KLB: variants seen among roughly 807,000 people sequenced by gnomAD.
KLB encodes klotho beta, also known as beta-klotho.
In KLB, 44 loss-of-function variants were observed where a neutral mutation model predicts 88.4. The ratio of observed to expected loss-of-function variants is 0.50; its 90% CI spans 0.39 to 0.64. KLB has a LOEUF of 0.64. Ranked by LOEUF, KLB falls within the 30% of genes least tolerant of loss-of-function variation. The pLI is 0.00. For missense variants in KLB, 1,137 were observed against 1,304.8 expected, an observed-to-expected ratio of 0.87 and a Z score of 1.98; for synonymous variants, 548 against 513.4, an observed-to-expected ratio of 1.07 and a Z score of -0.91.
intron 1 of KLB, among the ~76,000 whole-genome samples, chr4:39,411,028 A>G (rs184029920): frequency 8.1e-4 from 123 of 152,274 alleles, no homozygotes; most frequent in African/African-American, 2.8e-3. Flanking sequence ...CTACTAATGG[A>G]TGAACCAACT....
At chr4:39,440,112 G>C (rs1027822720) in intron 3 of KLB, among the ~76,000 whole-genome samples, 1 of 147,100 alleles carries the variant, frequency 6.8e-6, no homozygotes, top group African/African-American at 2.5e-5. Context: ...TTTTTGTTTT[G>C]TTTTCTTTTC....
intron 1 of KLB, among the ~76,000 whole-genome samples, chr4:39,418,367 G>A (rs1743008620): frequency 1.3e-5 from 2 of 151,966 alleles, no homozygotes; most frequent in Admixed American, 1.3e-4. Flanking sequence ...AGCCTCCCAA[G>A]TAGCTAAGAC....
chr4:39,438,768 G>C (rs1004394194), intron 3 of KLB, among the ~76,000 whole-genome samples: 4 of 152,072 alleles, frequency 2.6e-5, no homozygotes, highest in Non-Finnish European at 2.9e-5. Flanking sequence ...TCACCTTTTA[G>C]TTGTTATTAT....
At chr4:39,423,444 G>A (rs999907911) in intron 1 of KLB, among the ~76,000 whole-genome samples, 10 of 151,968 alleles carry the variant, frequency 6.6e-5, no homozygotes, top group African/African-American at 2.2e-4. Context: ...ACAGCAGAGA[G>A]AAAATGTAAT....
At chr4:39,427,342 G>T (rs986732958) in intron 1 of KLB, among the ~76,000 whole-genome samples, 1 of 152,010 alleles carries the variant, frequency 6.6e-6, no homozygotes, top group Non-Finnish European at 1.5e-5. Flanking sequence ...AATTAGCTGG[G>T]CGTGGTGGCA....
chr4:39,439,003 C>CT (rs1343702750), intron 3 of KLB, among the ~76,000 whole-genome samples: 9,249 of 139,930 alleles, frequency 0.066, 380 homozygotes, highest in African/African-American at 0.1. Flanking sequence ...TCTACTTCAT[C>CT]TTTTTTTTTT....
chr4:39,432,832 A>G (rs895885429), intron 1 of KLB, among the ~76,000 whole-genome samples: 3 of 151,990 alleles, frequency 2.0e-5, no homozygotes, highest in Non-Finnish European at 2.9e-5. Context: ...TCTGTGCTAC[A>G]TATTTCATGC....
intron 4 of KLB, 68 bp downstream of exon 4, chr4:39,447,543 G>T: frequency 7.5e-7 from 1 of 1,325,170 alleles, no homozygotes; most frequent in Non-Finnish European, 1.0e-6. Context: ...AACAAAGAAT[G>T]GGAGCAGCAG....
In KLB at chr4:39,448,840, C is replaced by T. The variant is rs1250117927; in HGVS notation, c.*154C>T. 5.6e-6 allele frequency: 4 copies of T among 716,610 alleles called. No individual in the cohort carries two copies. The highest frequency in any genetic ancestry group is 9.1e-6 in the Non-Finnish European group (4 of 441,806). The allele number at this position is 716,610 out of a possible 1,614,324, so 44.4% of individuals were successfully genotyped here. ...TGTCTCTGCTGTGTGGTTCAAAGAACATTCCCTTAGGTGTTGACATCAGTG... is the reference window on the plus strand; with the variant it reads ...TGTCTCTGCTGTGTGGTTCAAAGAATATTCCCTTAGGTGTTGACATCAGTG... On this transcript the variant is annotated 3_prime_UTR_variant, in exon 5 of 5. Transcript: ENST00000257408.
intron 1 of KLB, among the ~76,000 whole-genome samples, chr4:39,422,372 C>A (rs1199252368): frequency 6.6e-6 from 1 of 152,158 alleles, no homozygotes; most frequent in Non-Finnish European, 1.5e-5. Flanking sequence ...GAGGTCCACA[C>A]TCTACCTCTA....
chr4:39,427,976 G>A (rs180935713), intron 1 of KLB, among the ~76,000 whole-genome samples: 30 of 152,252 alleles, frequency 2.0e-4, no homozygotes, highest in Admixed American at 4.6e-4. Context: ...GTTATTTCCC[G>A]TATAGTACCA....
chr4:39,434,817 T>C (rs1413081227), intron 2 of KLB, 97 bp downstream of exon 2: 10 of 1,003,908 alleles, frequency 1.0e-5, no homozygotes, highest in Non-Finnish European at 1.3e-5. Flanking sequence ...TTGGGCTTTT[T>C]TTTTTTTGAA....
At chr4:39,427,900 G>T (rs1348714103) in intron 1 of KLB, among the ~76,000 whole-genome samples, 1 of 152,192 alleles carries the variant, frequency 6.6e-6, no homozygotes, top group East Asian at 1.9e-4. Context: ...ATCTGTCCAA[G>T]ATCGTAAAGC....
intron 1 of KLB, among the ~76,000 whole-genome samples, chr4:39,430,937 G>C (rs1315061039): frequency 6.8e-6 from 1 of 147,442 alleles, no homozygotes; most frequent in Admixed American, 6.8e-5. Flanking sequence ...TTTCCCCTGA[G>C]TCAGGGTGTC....
At chr4:39,430,149 T>G (rs1436813562) in intron 1 of KLB, among the ~76,000 whole-genome samples, 1 of 152,212 alleles carries the variant, frequency 6.6e-6, no homozygotes, top group African/African-American at 2.4e-5. Flanking sequence ...ATATAATCAC[T>G]GAAATTTAGT....
intron 3 of KLB, among the ~76,000 whole-genome samples, chr4:39,439,123 C>G (rs1258108962): frequency 6.6e-6 from 1 of 151,500 alleles, no homozygotes; most frequent in African/African-American, 2.4e-5. Flanking sequence ...CCACCTCAAA[C>G]TTGAACTGGC....
rs148944813 is a variant in KLB at position 39,444,864 on chromosome 4, G to A, written c.1606-1468G>A. Among the ~76,000 whole-genome samples, 31 of 152,186 alleles carry A rather than the reference G, an allele frequency of 2.0e-4. No homozygotes were observed. In the East Asian group the frequency reaches 2.7e-3, roughly 13 times the overall value. On this transcript the variant is annotated intron_variant, in intron 3 of 4. Coordinates refer to ENST00000257408, the MANE Select transcript of KLB (RefSeq NM_175737.4). The stretch of plus-strand genomic sequence containing the variant: ...GATAACTGGTTGGCAGATGGCAAAC[G>A]GGCAGTGATATGGTTTTGTAATTAA...
Position 39,450,043 on chromosome 4 carries a change from G to C in KLB, c.*1357G>C, listed in dbSNP as rs181382783. 6.6e-6 allele frequency: 1 copy of C among 152,342 alleles called. No homozygotes were observed. The highest frequency in any genetic ancestry group is 6.5e-5 in the Admixed American group (1 of 15,302). 9.4% of individuals were successfully genotyped at this position (152,342 alleles called of 1,614,324 possible). A position where few individuals can be genotyped will look rare whatever the true frequency, so the allele number is the denominator to read the frequency against. ...CTCTGTGAATAGAAGTTGCTATACT[G>C]TAAGTAAAGCAACAATTCAGAATAC... On this transcript the variant is annotated 3_prime_UTR_variant, in exon 5 of 5. Coordinates refer to ENST00000257408, the MANE Select transcript of KLB (RefSeq NM_175737.4).
intron 1 of KLB, among the ~76,000 whole-genome samples, chr4:39,410,862 AC>A: frequency 6.6e-6 from 1 of 151,960 alleles, no homozygotes; most frequent in East Asian, 1.9e-4. Context: ...GATCTGGAAA[AC>A]TCCATCTCGG....
Sources: gnomAD v4.1 joint callset for allele counts (sites outside exome capture counted in the v4.1 genomes callset) on GRCh38, gnomAD v4.1.1 for gene constraint, MANE v1.5 for transcripts, NCBI Gene and HGNC (gene_info 2026-07-23, HGNC 2026-07-21) for gene names.